The following MCTP2 variants were observed in gnomAD, a reference collection of about 807,000 sequenced individuals.
MCTP2 encodes multiple C2 and transmembrane domain containing 2, also known as multiple C2 and transmembrane domain-containing protein 2.
A neutral mutation model predicts 111.6 loss-of-function variants in MCTP2; 132 were observed. The observed-to-expected ratio is 1.18, with a 90% CI of 1.03 to 1.37. MCTP2 has a LOEUF of 1.37. Among genes scored for constraint, MCTP2 ranks in the 40% most tolerant of loss-of-function variants. The pLI is 0.00. For synonymous variants in MCTP2, 395 were observed against 387.7 expected (o/e 1.02, Z -0.22); for missense variants, 1,183 against 1,067.9 (o/e 1.11, Z -1.50).
chr15:94,483,386 A>G lies in MCTP2; in HGVS notation c.*4352A>G, dbSNP rs1410692156. The G allele has an allele frequency of 2.6e-5, 4 of 152,244 alleles. No individual in the cohort carries two copies. Among genetic ancestry groups the G allele is most frequent in the African/African-American group, 9.6e-5 (4 of 41,472 alleles). 9.4% of individuals were successfully genotyped at this position (152,244 alleles called of 1,614,324 possible). A position where few individuals can be genotyped will look rare whatever the true frequency, so the allele number is the denominator to read the frequency against. On this transcript the variant is annotated 3_prime_UTR_variant, in exon 23 of 23. Coordinates refer to ENST00000357742, the MANE Select transcript of MCTP2 (RefSeq NM_001385001.1). ...CCAAAGGAATATAAATTGTTCTACT[A>G]TAAAAACACATGCACACACATGTTC...
intron 1 of MCTP2, among the ~76,000 whole-genome samples, chr15:94,243,472 C>T (rs1282826308): frequency 7.8e-6 from 1 of 128,868 alleles, no homozygotes; most frequent in Non-Finnish European, 1.6e-5. Context: ...TGCGTATATG[C>T]GTATGTACAC....
At chr15:94,471,506 G>A (rs577430352) in intron 21 of MCTP2, among the ~76,000 whole-genome samples, 1 of 152,230 alleles carries the variant, frequency 6.6e-6, no homozygotes, top group South Asian at 2.1e-4. Context: ...AAAAAGTCAC[G>A]GGAAAAATAG....
chr15:94,302,297 T>A (rs2075653218), intron 2 of MCTP2, among the ~76,000 whole-genome samples: 1 of 152,208 alleles, frequency 6.6e-6, no homozygotes, highest in East Asian at 1.9e-4. Context: ...CCTGTGGCAG[T>A]GGGACAGGAC....
chr15:94,438,600 C>G (rs1442264350), intron 17 of MCTP2, among the ~76,000 whole-genome samples: 1 of 152,102 alleles, frequency 6.6e-6, no homozygotes, highest in Non-Finnish European at 1.5e-5. Context: ...TAAAACCATC[C>G]TTATCTCAGA....
rs1229332411 is a variant in MCTP2 at position 94,261,683 on chromosome 15, C to T, written c.-66+30019C>T. The stretch of plus-strand genomic sequence containing the variant: ...CATATGTAGTTGATGTTTTTGTATT[C>T]CAGATAGTGTCGCTTTTAATTGACA... On this transcript the variant is annotated intron_variant, in intron 1 of 22. Transcript: ENST00000357742. Among the ~76,000 whole-genome samples, 4 of 152,230 alleles carry T rather than the reference C, an allele frequency of 2.6e-5. No homozygotes were observed. In the South Asian group the frequency reaches 8.3e-4, roughly 32 times the overall value.
intron 1 of MCTP2, among the ~76,000 whole-genome samples, chr15:94,280,614 TTTG>T (rs1402385429): frequency 1.3e-5 from 2 of 152,088 alleles, no homozygotes; most frequent in Non-Finnish European, 1.5e-5. Flanking sequence ...AACTCCAACT[TTTG>T]TTATTTTTCT....
chr15:94,283,610 C>T (rs1173694271), intron 1 of MCTP2, among the ~76,000 whole-genome samples: 1 of 152,166 alleles, frequency 6.6e-6, no homozygotes, highest in Non-Finnish European at 1.5e-5. Context: ...AGTCTTACTG[C>T]TTGGCAACCC....
chr15:94,324,717 A>G (rs532756652), intron 4 of MCTP2, among the ~76,000 whole-genome samples: 1 of 152,332 alleles, frequency 6.6e-6, no homozygotes, highest in African/African-American at 2.4e-5. Flanking sequence ...GAAAAAATTT[A>G]AAGATCTCTC....
chr15:94,464,261 A>ATATATATTATATATATATAATATATATAT (rs2085434311), intron 20 of MCTP2, among the ~76,000 whole-genome samples: 1 of 43,336 alleles, frequency 2.3e-5, no homozygotes, highest in African/African-American at 8.1e-5. Flanking sequence ...TATATATTAT[A>ATATATATTATATATATATAATATATATAT]TATATATATA....
intron 8 of MCTP2, 31 bp from the exon 9 acceptor site, chr15:94,356,106 G>A: frequency 1.3e-6 from 2 of 1,488,788 alleles, no homozygotes; most frequent in South Asian, 3.0e-5. Context: ...TTAGAAGCAA[G>A]TTTACATGTC....
intron 1 of MCTP2, among the ~76,000 whole-genome samples, chr15:94,235,670 C>T (rs1409856001): frequency 6.6e-6 from 1 of 152,142 alleles, no homozygotes; most frequent in Non-Finnish European, 1.5e-5. Context: ...GGTACAAACC[C>T]TGGGTAACGC....
chr15:94,353,342 C>A (rs1004242670), intron 8 of MCTP2, among the ~76,000 whole-genome samples: 3 of 152,304 alleles, frequency 2.0e-5, no homozygotes, highest in African/African-American at 7.2e-5. Flanking sequence ...GCCTTGCCCT[C>A]CCATGCTGTT....
chr15:94,426,141 T>TGAGAGAGA (rs10603478), intron 17 of MCTP2, among the ~76,000 whole-genome samples: 3 of 140,856 alleles, frequency 2.1e-5, no homozygotes, highest in East Asian at 2.2e-4. Context: ...AGAGAGAGAT[T>TGAGAGAGA]GAGAGAGAGA....
intron 2 of MCTP2, among the ~76,000 whole-genome samples, chr15:94,311,216 G>A (rs187861305): frequency 0.01 from 1,530 of 151,738 alleles, 14 homozygotes; most frequent in Non-Finnish European, 0.016. Flanking sequence ...TTAGAGATGG[G>A]GGGGTTTGCC....
intron 1 of MCTP2, among the ~76,000 whole-genome samples, chr15:94,260,030 T>C (rs890712783): frequency 6.6e-6 from 1 of 152,182 alleles, no homozygotes; most frequent in Non-Finnish European, 1.5e-5. Flanking sequence ...CCACTTTCTC[T>C]TCCCCTTTGG....
intron 13 of MCTP2, 125 bp from the exon 14 acceptor site, chr15:94,385,294 TTTAA>T (rs1245267408): frequency 1.7e-6 from 1 of 583,140 alleles, no homozygotes. Context: ...ATTTTTGGAA[TTTAA>T]TTAAATGGTA....
chr15:94,368,959 G>A (rs1048257457), intron 11 of MCTP2, among the ~76,000 whole-genome samples: 1 of 152,220 alleles, frequency 6.6e-6, no homozygotes, highest in African/African-American at 2.4e-5. Flanking sequence ...CAGCTAGCAA[G>A]CTAGCCAGCA....
intron 14 of MCTP2, among the ~76,000 whole-genome samples, chr15:94,389,102 G>A (rs12902659): frequency 0.26 from 40,084 of 152,092 alleles, 6,443 homozygotes; most frequent in Non-Finnish European, 0.37. Flanking sequence ...AAAGGGCAGT[G>A]GGAAGTAGGA....
chr15:94,318,183 TAG>T (rs1459683300), intron 4 of MCTP2, among the ~76,000 whole-genome samples: 2 of 152,232 alleles, frequency 1.3e-5, no homozygotes, highest in African/African-American at 2.4e-5. Flanking sequence ...AAGAGTGTTC[TAG>T]AGAGTGTGTA....
Sources: allele counts gnomAD v4.1 joint callset (sites outside exome capture counted in the v4.1 genomes callset), GRCh38; gene constraint gnomAD v4.1.1; transcripts MANE v1.5; gene names NCBI Gene and HGNC (gene_info 2026-07-23, HGNC 2026-07-21).